ACCSL: variants seen among roughly 807,000 people sequenced by gnomAD.
ACCSL encodes probable inactive 1-aminocyclopropane-1-carboxylate synthase-like protein 2.
Under a neutral mutation model 61.7 loss-of-function variants are expected in ACCSL, and 55 were observed. That is an observed-to-expected ratio of 0.89 (90% confidence interval 0.72 to 1.12). ACCSL has a LOEUF of 1.12. Among genes scored for constraint, ACCSL ranks in the 50% most tolerant of loss-of-function variants. ACCSL has a pLI of 0.00. For missense variants in ACCSL, 632 were observed against 698.0 expected, an observed-to-expected ratio of 0.91 and a Z score of 1.07; for synonymous variants, 258 against 264.3, an observed-to-expected ratio of 0.98 and a Z score of 0.23.
chr11:43,987,321 C>G, the ACCSL span, among the ~76,000 whole-genome samples: 1 of 152,186 alleles, frequency 6.6e-6, no homozygotes, highest in African/African-American at 2.4e-5. Context: ...TCCTTCTGGG[C>G]CTCCGTTTGT....
chr11:43,983,926 G>A, the ACCSL span, among the ~76,000 whole-genome samples: 1 of 152,046 alleles, frequency 6.6e-6, no homozygotes, highest in African/African-American at 2.4e-5. Context: ...GACTAGCCTG[G>A]CCAACATGGT....
the ACCSL span, among the ~76,000 whole-genome samples, chr11:44,002,980 C>T: frequency 1.3e-5 from 2 of 152,076 alleles, no homozygotes; most frequent in South Asian, 2.1e-4. Context: ...TGCAGGGTCA[C>T]AAGGAGGCTG....
chr11:43,935,140 G>A, the ACCSL span, among the ~76,000 whole-genome samples: 17,127 of 152,224 alleles, frequency 0.11, 1,107 homozygotes, highest in South Asian at 0.28. Context: ...GGATGTTAGA[G>A]CAAGAGGGAC....
the ACCSL span, chr11:43,943,697 CTT>C: frequency 7.7e-7 from 1 of 1,304,428 alleles, no homozygotes; most frequent in South Asian, 1.2e-5. This position sits in a 1 kb window ranked among gnomAD's most constrained non-coding sequence, Gnocchi z 4.8. Context: ...TCGCTGAACA[CTT>C]TTATAATTGT....
chr11:43,943,478 G>T, the ACCSL span: 3 of 1,402,474 alleles, frequency 2.1e-6, no homozygotes, highest in Non-Finnish European at 2.8e-6. This position sits in a 1 kb window ranked among gnomAD's most constrained non-coding sequence, Gnocchi z 4.8. Flanking sequence ...CGCCGGGAGC[G>T]GGGCCGCTTT....
the ACCSL span, among the ~76,000 whole-genome samples, chr11:44,039,718 C>T: frequency 6.6e-6 from 1 of 152,242 alleles, no homozygotes; most frequent in South Asian, 2.1e-4. Context: ...TGGAATCCTA[C>T]TGATGTGGAG....
At chr11:43,974,649 A>G in the ACCSL span, among the ~76,000 whole-genome samples, 5 of 152,176 alleles carry the variant, frequency 3.3e-5, no homozygotes, top group Admixed American at 6.5e-5. Flanking sequence ...AAACCTTTAT[A>G]TAGTCTGTTC....
the ACCSL span, among the ~76,000 whole-genome samples, chr11:43,926,228 G>A: frequency 6.6e-6 from 1 of 152,068 alleles, no homozygotes; most frequent in Non-Finnish European, 1.5e-5. Flanking sequence ...AAGTGGCCTT[G>A]CGTTGATGCT....
chr11:43,952,449 C>G, the ACCSL span, among the ~76,000 whole-genome samples: 2 of 152,318 alleles, frequency 1.3e-5, no homozygotes, highest in Admixed American at 1.3e-4. Flanking sequence ...CACAGGCAGG[C>G]AGCCCGGTGC....
At chr11:43,967,303 G>A in the ACCSL span, among the ~76,000 whole-genome samples, 18 of 147,358 alleles carry the variant, frequency 1.2e-4, no homozygotes, top group Admixed American at 1.0e-3. Flanking sequence ...TCAGCCTCCC[G>A]AGTAGCTGGG....
the ACCSL span, among the ~76,000 whole-genome samples, chr11:43,946,713 G>T: frequency 6.6e-6 from 1 of 152,274 alleles, no homozygotes; most frequent in South Asian, 2.1e-4. Flanking sequence ...CCACTATTTA[G>T]TATAAAAGTG....
chr11:44,059,527 AG>A (rs1267212992), intron 13 of ACCSL, among the ~76,000 whole-genome samples: 1 of 152,270 alleles, frequency 6.6e-6, no homozygotes, highest in East Asian at 1.9e-4. Context: ...GAGCTAGCAT[AG>A]AAGATAGGCT....
chr11:44,031,132 G>A, the ACCSL span, among the ~76,000 whole-genome samples: 4 of 152,260 alleles, frequency 2.6e-5, no homozygotes, highest in African/African-American at 4.8e-5. Flanking sequence ...CATGTCCTCC[G>A]TAAAATGGGA....
chr11:43,992,465 C>T, the ACCSL span, among the ~76,000 whole-genome samples: 1 of 152,228 alleles, frequency 6.6e-6, no homozygotes, highest in Admixed American at 6.5e-5. Context: ...TCCACGCTTC[C>T]AGTACATACC....
the ACCSL span, among the ~76,000 whole-genome samples, chr11:44,040,947 T>C: frequency 2.0e-5 from 3 of 152,226 alleles, no homozygotes; most frequent in Non-Finnish European, 2.9e-5. Context: ...TTCCACGTCC[T>C]ACTCGTACCA....
chr11:43,926,652 C>G, the ACCSL span: 1 of 313,068 alleles, frequency 3.2e-6, no homozygotes, highest in South Asian at 2.6e-5. Flanking sequence ...CTCCTTACTA[C>G]AAAAGAGGTT....
the ACCSL span, among the ~76,000 whole-genome samples, chr11:43,954,874 C>T: frequency 1.3e-5 from 2 of 152,120 alleles, no homozygotes; most frequent in East Asian, 3.9e-4. Context: ...CGTGAGCCAC[C>T]GTGCCCGGCC....
chr11:44,039,615 A>C, the ACCSL span, among the ~76,000 whole-genome samples: 3 of 152,218 alleles, frequency 2.0e-5, no homozygotes, highest in Non-Finnish European at 4.4e-5. Context: ...GAACTTACTC[A>C]TGTAACCAAA....
chr11:44,005,387 T>C, the ACCSL span, among the ~76,000 whole-genome samples: 45,858 of 151,430 alleles, frequency 0.3, 7,539 homozygotes, highest in East Asian at 0.68. Flanking sequence ...CCTGCCTGGG[T>C]GGGGGAGGGG....
Sources: gnomAD v4.1 joint callset for allele counts (sites outside exome capture counted in the v4.1 genomes callset) on GRCh38, gnomAD v4.1.1 for gene constraint, Gnocchi (gnomAD v3.1) non-coding constraint, MANE v1.5 for transcripts, NCBI Gene and HGNC (gene_info 2026-07-23, HGNC 2026-07-21) for gene names.